The following MAGI2 variants were observed in gnomAD, a reference collection of about 807,000 sequenced individuals.
The protein encoded by MAGI2 is membrane associated guanylate kinase, WW and PDZ domain containing 2, also known as membrane-associated guanylate kinase, WW and PDZ domain-containing protein 2.
MAGI2 carries 35 observed loss-of-function variants against 133.3 expected under a neutral mutation model. The observed-to-expected ratio is 0.26, with a 90% CI of 0.20 to 0.35. MAGI2 has a LOEUF of 0.35. Among genes scored for constraint, MAGI2 ranks in the 10% least tolerant of loss-of-function variants. MAGI2 has a pLI of 1.00. For missense variants in MAGI2, 1,636 were observed against 1,863.4 expected (o/e 0.88, Z 2.25); for synonymous variants, 729 against 710.6 (o/e 1.03, Z -0.41).
chr7:78,192,891 G>T (rs187996402), intron 12 of MAGI2, among the ~76,000 whole-genome samples: 2 of 152,108 alleles, frequency 1.3e-5, no homozygotes, highest in Admixed American at 1.3e-4. Context: ...AGGGGCCCAC[G>T]GTGGGGTGAG....
chr7:78,478,271 C>T (rs1376790165), intron 6 of MAGI2, among the ~76,000 whole-genome samples: 3 of 151,890 alleles, frequency 2.0e-5, no homozygotes, highest in Non-Finnish European at 4.4e-5. Context: ...CTGCAAAGAA[C>T]ATGAACTCAT....
At chr7:79,214,407 C>CTATA (rs1196193501) in intron 1 of MAGI2, among the ~76,000 whole-genome samples, 222 of 17,686 alleles carry the variant, frequency 0.013, 7 homozygotes, top group South Asian at 0.026. Context: ...CTCTCTCTCT[C>CTATA]TATATATATA....
At chr7:78,457,464 C>A (rs1307121102) in intron 6 of MAGI2, among the ~76,000 whole-genome samples, 3 of 152,146 alleles carry the variant, frequency 2.0e-5, no homozygotes, top group African/African-American at 7.2e-5. Flanking sequence ...CTGTGAGTCT[C>A]AGTTTCCTTA....
chr7:79,055,630 T>C (rs1813085633), intron 1 of MAGI2, among the ~76,000 whole-genome samples: 1 of 152,172 alleles, frequency 6.6e-6, no homozygotes. Flanking sequence ...ATTAATTACA[T>C]ATGTAATATT....
chr7:79,422,377 A>G (rs1448123145), intron 1 of MAGI2, among the ~76,000 whole-genome samples: 2 of 152,010 alleles, frequency 1.3e-5, no homozygotes, highest in East Asian at 1.9e-4. Context: ...AATTAATCAT[A>G]TATATGTCAC....
chr7:78,899,075 T>G, intron 2 of MAGI2, among the ~76,000 whole-genome samples: 1 of 152,148 alleles, frequency 6.6e-6, no homozygotes, highest in East Asian at 1.9e-4. Context: ...CCAGGCAAAC[T>G]CTACCATTTA....
chr7:78,502,210 GATT>G (rs1346379166), intron 4 of MAGI2, among the ~76,000 whole-genome samples: 1 of 152,132 alleles, frequency 6.6e-6, no homozygotes, highest in Non-Finnish European at 1.5e-5. Flanking sequence ...TCATCTGGAT[GATT>G]ATGATTAAAT....
intron 2 of MAGI2, among the ~76,000 whole-genome samples, chr7:78,901,875 C>T (rs1797643281): frequency 6.6e-6 from 1 of 151,956 alleles, no homozygotes; most frequent in Non-Finnish European, 1.5e-5. Context: ...TTATATTTTG[C>T]TAGTTTTCTA....
chr7:78,997,007 TA>T (rs946400233), intron 2 of MAGI2, among the ~76,000 whole-genome samples: 1 of 152,124 alleles, frequency 6.6e-6, no homozygotes, highest in Non-Finnish European at 1.5e-5. Context: ...AATGACAAGG[TA>T]AATCAGAATT....
At chr7:78,791,808 C>T (rs993603474) in intron 2 of MAGI2, among the ~76,000 whole-genome samples, 2 of 151,994 alleles carry the variant, frequency 1.3e-5, no homozygotes, top group Non-Finnish European at 2.9e-5. Flanking sequence ...TGTCAGGCTC[C>T]CAAAATGCTG....
chr7:78,764,375 A>G (rs1021175442), intron 2 of MAGI2, among the ~76,000 whole-genome samples: 1 of 152,216 alleles, frequency 6.6e-6, no homozygotes, highest in African/African-American at 2.4e-5. Flanking sequence ...GTGTCCAGGA[A>G]TATGATTGCT....
intron 2 of MAGI2, among the ~76,000 whole-genome samples, chr7:78,898,040 T>A (rs1797343502): frequency 6.6e-6 from 1 of 152,248 alleles, no homozygotes; most frequent in Non-Finnish European, 1.5e-5. Flanking sequence ...GACAGACACT[T>A]TTCAAAAGAA....
chr7:79,269,215 A>G (rs1166398705), intron 1 of MAGI2, among the ~76,000 whole-genome samples: 1 of 152,206 alleles, frequency 6.6e-6, no homozygotes, highest in Non-Finnish European at 1.5e-5. Flanking sequence ...AGAAATGATC[A>G]CTTAGCAAAC....
chr7:78,577,425 G>A (rs1030865642), intron 3 of MAGI2, among the ~76,000 whole-genome samples: 16 of 152,112 alleles, frequency 1.1e-4, no homozygotes. Flanking sequence ...AGGTTGAATT[G>A]TTTTATGAGC....
intron 1 of MAGI2, among the ~76,000 whole-genome samples, chr7:79,225,474 A>G (rs1830772544): frequency 6.6e-6 from 1 of 152,184 alleles, no homozygotes; most frequent in Non-Finnish European, 1.5e-5. Flanking sequence ...CACACAGTCT[A>G]ATTATAATAC....
At chr7:78,612,896 TC>T (rs1346797975) in intron 3 of MAGI2, among the ~76,000 whole-genome samples, 9 of 152,100 alleles carry the variant, frequency 5.9e-5, no homozygotes, top group Admixed American at 2.0e-4. Context: ...GGTCTCGATC[TC>T]CTGACCTCGT....
intron 21 of MAGI2, among the ~76,000 whole-genome samples, chr7:78,062,058 G>A (rs1413555755): frequency 1.3e-5 from 2 of 152,188 alleles, no homozygotes; most frequent in Admixed American, 1.3e-4. Flanking sequence ...CAACAAGAGT[G>A]CGACATTTTT....
chr7:78,282,909 C>A (rs1221344842), intron 9 of MAGI2, among the ~76,000 whole-genome samples: 1 of 151,980 alleles, frequency 6.6e-6, no homozygotes. Context: ...TTTATGTTAA[C>A]AATGAGCTAT....
intron 1 of MAGI2, among the ~76,000 whole-genome samples, chr7:79,359,231 A>G (rs955521345): frequency 2.0e-5 from 3 of 152,202 alleles, no homozygotes; most frequent in African/African-American, 7.2e-5. Flanking sequence ...ACTTAATAAT[A>G]GAATGGACAT....
Sources: gnomAD v4.1 joint callset for allele counts (sites outside exome capture counted in the v4.1 genomes callset) on GRCh38, gnomAD v4.1.1 for gene constraint, MANE v1.5 for transcripts, NCBI Gene and HGNC (gene_info 2026-07-23, HGNC 2026-07-21) for gene names.